Variants in MEGF11 observed in about 807,000 individuals in gnomAD.
MEGF11 encodes multiple epidermal growth factor-like domains protein 11.
MEGF11 carries 126 observed loss-of-function variants against 146.6 expected under a neutral mutation model. The observed-to-expected ratio is 0.86, with a 90% CI of 0.74 to 1.00. The LOEUF (loss-of-function observed/expected upper bound fraction) is 1.00, where lower values mean the gene tolerates loss of function less well. MEGF11 is among the 50% of genes least tolerant of loss of function. The probability of loss-of-function intolerance (pLI) is 0.00; values close to 1 mark genes in which losing one functional copy is unlikely to be tolerated. For synonymous variants in MEGF11, 532 were observed against 583.4 expected (o/e 0.91, Z 1.27); for missense variants, 1,509 against 1,521.2 (o/e 0.99, Z 0.13).
chr15:65,933,986 A>C (rs2079672500), intron 10 of MEGF11, among the ~76,000 whole-genome samples: 1 of 152,220 alleles, frequency 6.6e-6, no homozygotes, highest in South Asian at 2.1e-4. Context: ...TCTCTTAGGG[A>C]AAGAATACCT....
intron 1 of MEGF11, among the ~76,000 whole-genome samples, chr15:66,230,229 C>G (rs2091941814): frequency 1.3e-5 from 2 of 152,328 alleles, no homozygotes; most frequent in South Asian, 4.1e-4. Context: ...TCCTGCTTCT[C>G]TCCTTCCCTG....
At position 66,253,732 on chromosome 15, in the gene MEGF11, G is replaced by C. The variant is rs1023119979; in HGVS notation, c.-136C>G. ...GCAGCCGGGAGCCGGGCGGCGGGCAGCGGGCACCGGGAGCGACTGAGCGAG... is the reference window on the plus strand; with the variant it reads ...GCAGCCGGGAGCCGGGCGGCGGGCACCGGGCACCGGGAGCGACTGAGCGAG... On this transcript the variant is annotated 5_prime_UTR_variant, in exon 1 of 26. Transcript: ENST00000395614. 6.6e-6 allele frequency: 1 copy of C among 152,370 alleles called. No individual in the cohort carries two copies. Among genetic ancestry groups the C allele is most frequent in the Non-Finnish European group, 1.5e-5 (1 of 68,326 alleles). The allele number at this position is 152,370 out of a possible 1,614,324, so 9.4% of individuals were successfully genotyped here. A position where few individuals can be genotyped will look rare whatever the true frequency, so the allele number is the denominator to read the frequency against.
At position 65,913,851 on chromosome 15, in the gene MEGF11, G is replaced by A. The variant is rs2078899834; in HGVS notation, c.2596C>T (p.Leu866=). The change falls in exon 20 of 26, where the codon CTG becomes TTG. Residue 866 remains leucine, a synonymous_variant. Coordinates refer to ENST00000395614, the MANE Select transcript of MEGF11 (RefSeq NM_001385028.1). ...MLLLFLIVVL[L]GLFAWHRRRQ... ...CGCCGATGCCAGGCAAATAGGCCCA[G>A]CAGCACCACAATGAGGAATAACAGG... The A allele has an allele frequency of 1.2e-6, 2 of 1,614,022 alleles. No homozygotes were observed. The highest frequency in any genetic ancestry group is 2.2e-5 in the East Asian group (1 of 44,872).
intron 5 of MEGF11, among the ~76,000 whole-genome samples, chr15:66,010,161 TA>T (rs11302321): frequency 0.72 from 90,804 of 126,022 alleles, 32,402 homozygotes; most frequent in Admixed American, 0.76. Flanking sequence ...GCTGATTAGC[TA>T]AAAAAAAAAA....
intron 5 of MEGF11, among the ~76,000 whole-genome samples, chr15:66,043,425 G>C (rs568450941): frequency 6.6e-6 from 1 of 152,352 alleles, no homozygotes; most frequent in African/African-American, 2.4e-5. Flanking sequence ...GGACTTCTGA[G>C]GGATGTCTGG....
At chr15:66,119,028 T>G in intron 4 of MEGF11, 58 bp downstream of exon 4, 5 of 578,830 alleles carry the variant, frequency 8.6e-6, no homozygotes, top group Non-Finnish European at 1.4e-5. Context: ...TCCCCTCCCC[T>G]CCTTTTGCCT....
Position 65,930,873 on chromosome 15 carries a change from T to TTACAGC in MEGF11, c.1352_1357dup (p.Ser451_Cys452dup). ...TACTGGGGAGCAGGTGCCACCATTG[T>TTACAGC]TACAGCTACAGATGGACGAGCAGTT... On this transcript the variant is annotated inframe_insertion, in exon 11 of 26. Transcript: ENST00000395614. 1 of 1,611,576 alleles carries TTACAGC rather than the reference T, an allele frequency of 6.2e-7. No homozygotes were observed. The highest frequency in any genetic ancestry group is 1.1e-5 in the South Asian group (1 of 90,512).
intron 5 of MEGF11, among the ~76,000 whole-genome samples, chr15:66,061,529 G>A (rs1250879068): frequency 6.6e-6 from 1 of 152,124 alleles, no homozygotes; most frequent in Non-Finnish European, 1.5e-5. Context: ...AGAGACAGAA[G>A]GCAAACTCAT....
At chr15:65,906,838 CA>C (rs2078644434) in intron 23 of MEGF11, among the ~76,000 whole-genome samples, 1 of 152,124 alleles carries the variant, frequency 6.6e-6, no homozygotes. Context: ...AAAGTATTAC[CA>C]GTGTTTTCAG....
chr15:65,944,033 A>G (rs1056318364), intron 10 of MEGF11, among the ~76,000 whole-genome samples: 2 of 152,228 alleles, frequency 1.3e-5, no homozygotes, highest in Admixed American at 6.5e-5. Context: ...GGGTCCAAGT[A>G]AAATGCGGTG....
chr15:66,185,717 G>A (rs1273749210), intron 1 of MEGF11, among the ~76,000 whole-genome samples: 6 of 152,176 alleles, frequency 3.9e-5, no homozygotes, highest in African/African-American at 1.4e-4. Flanking sequence ...AAGGTCAGGG[G>A]GCAGTGGGTC....
In MEGF11 at chr15:65,898,042, G is replaced by C. The variant is rs1185800640; in HGVS notation, c.3315C>G (p.Ile1105Met). 1.2e-6 allele frequency: 2 copies of C among 1,613,866 alleles called. No homozygotes were observed. Among genetic ancestry groups the C allele is most frequent in the African/African-American group, 2.7e-5 (2 of 74,934 alleles). ...TCCTAGGTAGGTCGTATGCATTCTG[G>C]ATATAGCTGGAGTTATGACCGCAAC... ...QEGCGHNSSYIQNAYDLPRNS... is the reference protein window; with the variant it reads ...QEGCGHNSSYMQNAYDLPRNS... Residue 1105 changes from isoleucine (I) to methionine (M), a missense_variant, in exon 26 of 26, where the codon ATC (isoleucine) becomes ATG (methionine). By Grantham distance (10) the Ile-to-Met change is conservative. Transcript: ENST00000395614.
chr15:66,043,942 T>C (rs2084094194), intron 5 of MEGF11, among the ~76,000 whole-genome samples: 1 of 152,246 alleles, frequency 6.6e-6, no homozygotes, highest in African/African-American at 2.4e-5. Flanking sequence ...CATTATATTA[T>C]TCTTTTGCTT....
chr15:66,246,257 C>A (rs1206487548), intron 1 of MEGF11, among the ~76,000 whole-genome samples: 1 of 151,902 alleles, frequency 6.6e-6, no homozygotes, highest in Admixed American at 6.5e-5. Flanking sequence ...GCCTCCATCT[C>A]AAAAATAATT....
At chr15:66,035,878 G>A (rs2083707372) in intron 5 of MEGF11, among the ~76,000 whole-genome samples, 1 of 152,230 alleles carries the variant, frequency 6.6e-6, no homozygotes, top group South Asian at 2.1e-4. Flanking sequence ...AGTTTTGCAT[G>A]TTTTTAAGCT....
At position 65,985,658 on chromosome 15, in the gene MEGF11, C is replaced by A. The variant is rs376242942; in HGVS notation, c.395-3170G>T. On this transcript the variant is annotated intron_variant, in intron 5 of 25. Coordinates refer to ENST00000395614, the MANE Select transcript of MEGF11 (RefSeq NM_001385028.1). Reference sequence around the variant, plus strand: ...GGAAGCCAGAATATTGTCATAAAGTCCACATGGTAACACTTGGGTGTTTTC... The same window carrying A: ...GGAAGCCAGAATATTGTCATAAAGTACACATGGTAACACTTGGGTGTTTTC... Among the ~76,000 whole-genome samples the A allele has an allele frequency of 8.6e-5, 13 of 152,044 alleles. 1 individual carries two copies. Among genetic ancestry groups the A allele is most frequent in the Admixed American group, 5.9e-4 (9 of 15,264 alleles).
intron 1 of MEGF11, among the ~76,000 whole-genome samples, chr15:66,166,405 C>T (rs1035448856): frequency 2.0e-5 from 3 of 152,166 alleles, no homozygotes; most frequent in African/African-American, 4.8e-5. Flanking sequence ...CAGGAGCACC[C>T]CCACTGGCCT....
At chr15:66,172,029 C>A (rs1458245815) in intron 1 of MEGF11, among the ~76,000 whole-genome samples, 5 of 152,172 alleles carry the variant, frequency 3.3e-5, no homozygotes, top group African/African-American at 4.8e-5. Context: ...GGCTTTTAGG[C>A]CTGCAGGATG....
At chr15:66,088,553 G>T (rs1354182085) in intron 5 of MEGF11, among the ~76,000 whole-genome samples, 1 of 152,194 alleles carries the variant, frequency 6.6e-6, no homozygotes, top group Non-Finnish European at 1.5e-5. Flanking sequence ...TACTCAGAAG[G>T]CTGAAGCAGG....
Sources: gnomAD v4.1 joint callset for allele counts (sites outside exome capture counted in the v4.1 genomes callset) on GRCh38, gnomAD v4.1.1 for gene constraint, MANE v1.5 for transcripts, NCBI Gene and HGNC (gene_info 2026-07-23, HGNC 2026-07-21) for gene names.